The following PRR16 variants were observed in gnomAD, a reference collection of about 807,000 sequenced individuals.
The protein encoded by PRR16 is proline rich 16.
In PRR16, 6 loss-of-function variants were observed where a neutral mutation model predicts 18.2. The observed-to-expected ratio is 0.33, with a 90% CI of 0.18 to 0.65. The LOEUF is 0.65. Ranked by LOEUF, PRR16 falls within the 30% of genes least tolerant of loss-of-function variation. The pLI is 0.74. For synonymous variants in PRR16, 151 were observed against 147.8 expected (o/e 1.02, Z -0.16); for missense variants, 412 against 376.6 (o/e 1.09, Z -0.78).
chr5:120,758,804 G>C, the PRR16 span, among the ~76,000 whole-genome samples: 1 of 151,894 alleles, frequency 6.6e-6, no homozygotes, highest in African/African-American at 2.4e-5. Flanking sequence ...TTTCTTTATA[G>C]TACTATGAAA....
At chr5:120,488,681 C>T (rs1749907665) in intron 1 of PRR16, among the ~76,000 whole-genome samples, 1 of 151,888 alleles carries the variant, frequency 6.6e-6, no homozygotes, top group African/African-American at 2.4e-5. Flanking sequence ...TATTTCTTGC[C>T]TTCTGCTAGC....
At chr5:120,521,028 T>G (rs1467571608) in intron 1 of PRR16, among the ~76,000 whole-genome samples, 1 of 152,164 alleles carries the variant, frequency 6.6e-6, no homozygotes, top group African/African-American at 2.4e-5. Context: ...AGGGATAATT[T>G]GAACTGTGTT....
intron 1 of PRR16, among the ~76,000 whole-genome samples, chr5:120,511,973 G>T (rs915297970): frequency 2.0e-5 from 3 of 152,272 alleles, no homozygotes; most frequent in African/African-American, 7.2e-5. Context: ...TCTGTCTGAA[G>T]CCTCTAAGCT....
intron 1 of PRR16, among the ~76,000 whole-genome samples, chr5:120,565,681 A>G (rs1752713725): frequency 6.6e-6 from 1 of 152,202 alleles, no homozygotes; most frequent in African/African-American, 2.4e-5. Flanking sequence ...ATGCTACTAA[A>G]AGACTTATAG....
chr5:120,529,599 T>C (rs1418505332), intron 1 of PRR16, among the ~76,000 whole-genome samples: 2 of 152,112 alleles, frequency 1.3e-5, no homozygotes, highest in Non-Finnish European at 2.9e-5. Context: ...TATCGCAGAG[T>C]GCATCAGCTT....
chr5:120,464,774 G>C, intron 1 of PRR16, 129 bp downstream of exon 1: 1 of 1,014,308 alleles, frequency 9.9e-7, no homozygotes, highest in Non-Finnish European at 1.4e-6. Context: ...GCCTGCAGAC[G>C]GACTTTCTTT....
At chr5:120,535,099 G>GTGT (rs1554081426) in intron 1 of PRR16, among the ~76,000 whole-genome samples, 25 of 151,830 alleles carry the variant, frequency 1.6e-4, no homozygotes, top group Admixed American at 4.6e-4. Flanking sequence ...GTGTGTGTGT[G>GTGT]TGTGTAAAAG....
chr5:120,776,264 C>A, the PRR16 span, among the ~76,000 whole-genome samples: 2 of 152,096 alleles, frequency 1.3e-5, no homozygotes, highest in African/African-American at 4.8e-5. Flanking sequence ...TTTTCCAGTT[C>A]CCCAAAGTGG....
chr5:120,515,261 A>G (rs1359190610), intron 1 of PRR16, among the ~76,000 whole-genome samples: 3 of 152,184 alleles, frequency 2.0e-5, no homozygotes, highest in African/African-American at 7.2e-5. Flanking sequence ...AATCACATTA[A>G]TCTATTTATG....
At chr5:120,604,593 T>G (rs890703313) in intron 1 of PRR16, among the ~76,000 whole-genome samples, 1 of 152,178 alleles carries the variant, frequency 6.6e-6, no homozygotes, top group Non-Finnish European at 1.5e-5. Flanking sequence ...GTCATCATGT[T>G]GTAAGTTGGT....
intron 1 of PRR16, among the ~76,000 whole-genome samples, chr5:120,627,910 A>G (rs1196390930): frequency 6.6e-6 from 1 of 152,136 alleles, no homozygotes; most frequent in Non-Finnish European, 1.5e-5. Flanking sequence ...TGTTTGTCTT[A>G]AAGAAATAAG....
intron 1 of PRR16, among the ~76,000 whole-genome samples, chr5:120,558,731 C>A (rs1752489887): frequency 6.6e-6 from 1 of 151,946 alleles, no homozygotes; most frequent in African/African-American, 2.4e-5. Context: ...AAACTGTTCT[C>A]CATGGTGGTC....
At chr5:120,723,306 G>T in the PRR16 span, among the ~76,000 whole-genome samples, 1 of 151,880 alleles carries the variant, frequency 6.6e-6, no homozygotes, top group Non-Finnish European at 1.5e-5. Context: ...TATGTTTTCT[G>T]AGTAACCTCA....
At chr5:120,603,903 C>T (rs73254054) in intron 1 of PRR16, among the ~76,000 whole-genome samples, 8,006 of 151,322 alleles carry the variant, frequency 0.053, 535 homozygotes, top group African/African-American at 0.16. Flanking sequence ...TTTATTGTGC[C>T]GTAGTCTAAG....
At chr5:120,663,431 G>A (rs1375465) in intron 1 of PRR16, among the ~76,000 whole-genome samples, 150,601 of 152,266 alleles carry the variant, frequency 0.99, 74,495 homozygotes, top group East Asian at 1. Context: ...AGGTTAAAAA[G>A]GTTGAACAGG....
At chr5:120,777,384 ATATTT>A in the PRR16 span, among the ~76,000 whole-genome samples, 1 of 152,178 alleles carries the variant, frequency 6.6e-6, no homozygotes, top group South Asian at 2.1e-4. Flanking sequence ...TTTATTTTGT[ATATTT>A]TATTTTGTAC....
intron 1 of PRR16, among the ~76,000 whole-genome samples, chr5:120,633,183 G>C (rs1177875134): frequency 1.5e-4 from 23 of 152,098 alleles, no homozygotes; most frequent in East Asian, 1.9e-4. Flanking sequence ...CAAATGCTGA[G>C]AGAATTCTCC....
chr5:120,598,783 G>GTATT (rs1473294101), intron 1 of PRR16, among the ~76,000 whole-genome samples: 6 of 151,880 alleles, frequency 4.0e-5, no homozygotes, highest in Non-Finnish European at 8.8e-5. Context: ...TGGCTGTGTA[G>GTATT]TATTCTATGG....
chr5:120,620,639 T>TTC (rs1356024203), intron 1 of PRR16, among the ~76,000 whole-genome samples: 1 of 152,130 alleles, frequency 6.6e-6, no homozygotes, highest in African/African-American at 2.4e-5. Context: ...ACATTTCCTC[T>TTC]TCTACCTCTC....
Sources: gnomAD v4.1 joint callset for allele counts (sites outside exome capture counted in the v4.1 genomes callset) on GRCh38, gnomAD v4.1.1 for gene constraint, MANE v1.5 for transcripts, NCBI Gene and HGNC (gene_info 2026-07-23, HGNC 2026-07-21) for gene names.